Variants in SNCAIP observed in about 807,000 individuals in gnomAD.
The protein encoded by SNCAIP is synphilin-1.
Under a neutral mutation model 86.7 loss-of-function variants are expected in SNCAIP, and 43 were observed. That is an observed-to-expected ratio of 0.50 (90% CI 0.39 to 0.64). The LOEUF is 0.64. SNCAIP is among the 30% of genes least tolerant of loss of function. The pLI is 0.00. For synonymous variants in SNCAIP, 417 were observed against 427.2 expected (o/e 0.98, Z 0.29); for missense variants, 981 against 1,103.1 (o/e 0.89, Z 1.57).
chr5:122,371,566 ACT>A (rs1241288766), intron 1 of SNCAIP: 1 of 150,302 alleles, frequency 6.7e-6, no homozygotes, highest in Non-Finnish European at 1.5e-5. Context: ...ACTCAAAGAA[ACT>A]CTTCTCAGTG....
chr5:122,368,636 G>T (rs1163595876), intron 1 of SNCAIP, among the ~76,000 whole-genome samples: 2 of 152,130 alleles, frequency 1.3e-5, no homozygotes, highest in Non-Finnish European at 2.9e-5. Flanking sequence ...ATCCAGCTTA[G>T]CACCAGGCTT....
At chr5:122,347,604 A>T (rs1262528427) in intron 1 of SNCAIP, among the ~76,000 whole-genome samples, 1 of 152,054 alleles carries the variant, frequency 6.6e-6, no homozygotes, top group African/African-American at 2.4e-5. Context: ...GATACCCTCA[A>T]TTGGAAAAAA....
intron 1 of SNCAIP, among the ~76,000 whole-genome samples, chr5:122,332,187 T>C (rs1178113019): frequency 3.3e-5 from 5 of 152,284 alleles, no homozygotes; most frequent in African/African-American, 1.2e-4. Flanking sequence ...TCTTTCTTTA[T>C]GTATTTGATA....
intron 1 of SNCAIP, chr5:122,321,615 G>A (rs1752951886): frequency 6.6e-6 from 1 of 152,210 alleles, no homozygotes; most frequent in Non-Finnish European, 1.5e-5. Flanking sequence ...GTGGGTACAT[G>A]GTGAATCATT....
At chr5:122,446,666 G>A (rs1389121089) in intron 8 of SNCAIP, among the ~76,000 whole-genome samples, 2 of 152,170 alleles carry the variant, frequency 1.3e-5, no homozygotes, top group Non-Finnish European at 2.9e-5. Context: ...GTATATCTAG[G>A]TGAAGTTGGC....
chr5:122,316,594 G>T (rs887670133), intron 1 of SNCAIP, among the ~76,000 whole-genome samples: 1 of 151,750 alleles, frequency 6.6e-6, no homozygotes, highest in Non-Finnish European at 1.5e-5. Flanking sequence ...GAGTGTAGAT[G>T]CATGAATAAT....
Position 122,423,296 on chromosome 5 carries a change from C to G in SNCAIP, c.559C>G (p.Leu187Val). 6.2e-7 allele frequency: 1 copy of G among 1,614,162 alleles called. No homozygotes were observed. Among genetic ancestry groups the G allele is most frequent in the South Asian group, 1.1e-5 (1 of 91,074 alleles). ...ILGLCTTINGLSGKACSTGSS... is the reference protein window; with the variant it reads ...ILGLCTTINGVSGKACSTGSS... The stretch of plus-strand genomic sequence containing the variant: ...GGGCTTATGCACAACCATCAATGGC[C>G]TTTCTGGCAAAGCCTGCTCTACAGG... The change falls in exon 4 of 11, where the codon CTT becomes GTT. Residue 187 changes from leucine to valine, a missense_variant. Physicochemically the swap from Leu to Val is conservative, Grantham distance 32 (BLOSUM62 1). Coordinates refer to ENST00000261368, the MANE Select transcript of SNCAIP (RefSeq NM_005460.4).
chr5:122,419,031 C>T (rs536775228), intron 3 of SNCAIP, among the ~76,000 whole-genome samples: 4 of 151,988 alleles, frequency 2.6e-5, no homozygotes, highest in Admixed American at 6.6e-5. Context: ...GGTGCCTGAG[C>T]GATGAAGGGC....
chr5:122,344,099 A>C (rs1758121988), intron 1 of SNCAIP, among the ~76,000 whole-genome samples: 1 of 152,084 alleles, frequency 6.6e-6, no homozygotes, highest in South Asian at 2.1e-4. Flanking sequence ...CCTAGCCCCC[A>C]TCTCCACCTG....
At chr5:122,391,673 TA>T (rs1769390554) in intron 2 of SNCAIP, among the ~76,000 whole-genome samples, 1 of 152,188 alleles carries the variant, frequency 6.6e-6, no homozygotes, top group South Asian at 2.1e-4. Context: ...TTGTTGGGAA[TA>T]TTAAGGAAAA....
At chr5:122,370,650 T>C (rs1000992446) in intron 1 of SNCAIP, among the ~76,000 whole-genome samples, 10 of 152,278 alleles carry the variant, frequency 6.6e-5, no homozygotes, top group African/African-American at 1.9e-4. Context: ...AAAAATTAAC[T>C]TTGTTCCCCT....
intron 3 of SNCAIP, among the ~76,000 whole-genome samples, chr5:122,420,575 G>GTGTA (rs1554105463): frequency 1.4e-5 from 2 of 147,186 alleles, no homozygotes; most frequent in African/African-American, 5.0e-5. Context: ...ATGTCTATGA[G>GTGTA]TATATATATA....
chr5:122,436,929 G>A (rs1195995233), intron 6 of SNCAIP: 1 of 152,114 alleles, frequency 6.6e-6, no homozygotes, highest in Non-Finnish European at 1.5e-5. Flanking sequence ...AACTATATAA[G>A]AGGAGTTTTC....
intron 10 of SNCAIP, chr5:122,453,001 T>A: frequency 6.5e-7 from 1 of 1,532,992 alleles, no homozygotes; most frequent in Non-Finnish European, 8.8e-7. Flanking sequence ...ACACGGTACG[T>A]GGTGCTAGGA....
chr5:122,448,706 CAT>C (rs1218165928), intron 8 of SNCAIP, among the ~76,000 whole-genome samples: 11 of 105,764 alleles, frequency 1.0e-4, no homozygotes, highest in African/African-American at 1.9e-4. Context: ...ATATTATATA[CAT>C]ATATATAATA....
At chr5:122,360,048 G>T (rs1347914321) in intron 1 of SNCAIP, among the ~76,000 whole-genome samples, 17 of 152,178 alleles carry the variant, frequency 1.1e-4, no homozygotes, top group Admixed American at 1.1e-3. Flanking sequence ...TTGATTATCA[G>T]CACTTGTGGT....
intron 5 of SNCAIP, among the ~76,000 whole-genome samples, chr5:122,430,361 A>G (rs2152941478): frequency 6.6e-6 from 1 of 152,322 alleles, no homozygotes; most frequent in South Asian, 2.1e-4. Context: ...AGAATCTAAG[A>G]GAGCATTCTA....
At chr5:122,450,270 CTG>C in intron 9 of SNCAIP, among the ~76,000 whole-genome samples, 1 of 152,152 alleles carries the variant, frequency 6.6e-6, no homozygotes, top group African/African-American at 2.4e-5. Context: ...ATGGAATTAA[CTG>C]AGAAAATTTA....
At chr5:122,450,042 T>A in intron 9 of SNCAIP, 105 bp downstream of exon 9, 1 of 839,430 alleles carries the variant, frequency 1.2e-6, no homozygotes, top group Non-Finnish European at 2.0e-6. Flanking sequence ...ACAGAAAACA[T>A]TTTCTTCTTA....
Sources: gnomAD v4.1 joint callset for allele counts (sites outside exome capture counted in the v4.1 genomes callset) on GRCh38, gnomAD v4.1.1 for gene constraint, MANE v1.5 for transcripts, NCBI Gene and HGNC (gene_info 2026-07-23, HGNC 2026-07-21) for gene names.